The following FUT8 variants were observed in gnomAD, a reference collection of about 807,000 sequenced individuals.
The protein encoded by FUT8 is fucosyltransferase 8.
In FUT8, 29 loss-of-function variants were observed where a neutral mutation model predicts 71.3. The ratio of observed to expected loss-of-function variants is 0.41; its 90% CI spans 0.30 to 0.55. The LOEUF is 0.55. Among genes scored for constraint, FUT8 ranks in the 20% least tolerant of loss-of-function variants. The pLI is 0.34. For synonymous variants in FUT8, 254 were observed against 239.3 expected (o/e 1.06, Z -0.57); for missense variants, 544 against 702.1 (o/e 0.77, Z 2.55).
At chr14:65,482,817 A>G (rs2066351811) in intron 2 of FUT8, among the ~76,000 whole-genome samples, 2 of 152,150 alleles carry the variant, frequency 1.3e-5, no homozygotes. Flanking sequence ...AAGTTTTGCC[A>G]GTACAGAGTG....
chr14:65,377,957 G>T, the FUT8 span, among the ~76,000 whole-genome samples: 6 of 152,186 alleles, frequency 3.9e-5, no homozygotes, highest in Admixed American at 2.6e-4. Flanking sequence ...TCACTTGGTG[G>T]CTGTTTCCAA....
chr14:65,671,922 G>T (rs1892496343), intron 7 of FUT8, among the ~76,000 whole-genome samples: 1 of 152,082 alleles, frequency 6.6e-6, no homozygotes, highest in African/African-American at 2.4e-5. Flanking sequence ...ATTCTGAGTT[G>T]TACAAAAAAT....
chr14:65,649,046 G>A (rs946844503), intron 6 of FUT8, among the ~76,000 whole-genome samples: 1 of 152,082 alleles, frequency 6.6e-6, no homozygotes, highest in Non-Finnish European at 1.5e-5. Context: ...TGTATTTTCC[G>A]TAGTTCTTAC....
intron 7 of FUT8, among the ~76,000 whole-genome samples, chr14:65,677,147 T>C (rs548022516): frequency 6.1e-4 from 63 of 102,828 alleles, no homozygotes; most frequent in African/African-American, 1.0e-3. Flanking sequence ...TGTGTGTGTG[T>C]GTGTGCGCGC....
the FUT8 span, among the ~76,000 whole-genome samples, chr14:65,379,047 AT>A: frequency 1.3e-5 from 2 of 151,624 alleles, no homozygotes; most frequent in Non-Finnish European, 2.9e-5. Flanking sequence ...GGATTTCATC[AT>A]ATTGGTCAGG....
At chr14:65,542,779 A>G (rs867247297) in intron 2 of FUT8, among the ~76,000 whole-genome samples, 1 of 152,024 alleles carries the variant, frequency 6.6e-6, no homozygotes, top group Non-Finnish European at 1.5e-5. Flanking sequence ...GTATATGACT[A>G]GGAATTTTTT....
the FUT8 span, among the ~76,000 whole-genome samples, chr14:65,392,154 A>C: frequency 1.3e-5 from 2 of 150,774 alleles, no homozygotes; most frequent in Non-Finnish European, 3.0e-5. Flanking sequence ...CTGGTCTCAA[A>C]CTCCCGACCT....
At chr14:65,713,364 G>C (rs1894898679) in intron 7 of FUT8, among the ~76,000 whole-genome samples, 1 of 152,188 alleles carries the variant, frequency 6.6e-6, no homozygotes, top group African/African-American at 2.4e-5. Context: ...GTAAACATGG[G>C]AGTTCAGGTA....
intron 7 of FUT8, among the ~76,000 whole-genome samples, chr14:65,693,017 T>C (rs1344240335): frequency 6.8e-6 from 1 of 148,148 alleles, no homozygotes; most frequent in Non-Finnish European, 1.5e-5. Flanking sequence ...CTCCTCACTT[T>C]CCAGACTGGG....
Position 65,561,677 on chromosome 14 carries a change from C to T in FUT8, c.114C>T (p.His38=), listed in dbSNP as rs770421355. ...HLVRDNDHPD[H]SSRELSKILA... ...TACGAGATAATGACCATCCTGATCA[C>T]TCTAGCCGAGAACTGTCCAAGATTC... Residue 38 remains histidine, a synonymous_variant, in exon 3 of 11, where the codon CAC becomes CAT. Coordinates refer to ENST00000673929, the MANE Select transcript of FUT8 (RefSeq NM_001371533.1). 5 of 1,613,606 alleles carry T rather than the reference C, an allele frequency of 3.1e-6. No homozygotes were observed. In the South Asian group the frequency reaches 4.4e-5, roughly 14 times the overall value.
In FUT8 at chr14:65,467,833, G is replaced by A. The variant is rs929451431; in HGVS notation, c.-228+12115G>A. ...TATGCTATGAATTCACAGGGAATAG[G>A]TTCCAGCAGCTCAGGCTCCTTCCCA... On this transcript the variant is annotated intron_variant, in intron 2 of 10. Transcript: ENST00000673929. This position sits in a 1 kb window ranked among gnomAD's most constrained non-coding sequence, Gnocchi z 4.1. 7 of 777,618 alleles carry A rather than the reference G, an allele frequency of 9.0e-6. No individual in the cohort carries two copies. The highest frequency in any genetic ancestry group is 8.0e-5 in the South Asian group (6 of 74,820). The allele number at this position is 777,618 out of a possible 1,614,324, so 48.2% of individuals were successfully genotyped here.
chr14:65,617,428 C>T (rs1444294769), intron 5 of FUT8, among the ~76,000 whole-genome samples: 1 of 152,158 alleles, frequency 6.6e-6, no homozygotes, highest in Admixed American at 6.5e-5. Context: ...ATACTTAGAC[C>T]ACTAAACCAA....
intron 2 of FUT8, among the ~76,000 whole-genome samples, chr14:65,549,380 T>C (rs1885156533): frequency 6.6e-6 from 1 of 152,112 alleles, no homozygotes; most frequent in Non-Finnish European, 1.5e-5. Context: ...TTTTTTCTGA[T>C]TAGAAGCCCC....
chr14:65,530,138 C>T (rs1035869768), intron 2 of FUT8, among the ~76,000 whole-genome samples: 1 of 151,954 alleles, frequency 6.6e-6, no homozygotes, highest in African/African-American at 2.4e-5. Flanking sequence ...AGGAACTTTC[C>T]CCCAAAATTC....
At chr14:65,471,694 C>T (rs1390062730) in intron 2 of FUT8, among the ~76,000 whole-genome samples, 1 of 151,942 alleles carries the variant, frequency 6.6e-6, no homozygotes, top group East Asian at 1.9e-4. Context: ...GCAGTTTGCC[C>T]TCTGACCTCA....
intron 3 of FUT8, among the ~76,000 whole-genome samples, chr14:65,565,002 C>T (rs566609777): frequency 3.3e-5 from 5 of 152,078 alleles, no homozygotes; most frequent in African/African-American, 4.8e-5. Flanking sequence ...TTATTTGGCT[C>T]ATGATTCTGG....
chr14:65,372,163 C>T, the FUT8 span, among the ~76,000 whole-genome samples: 1 of 152,024 alleles, frequency 6.6e-6, no homozygotes, highest in Non-Finnish European at 1.5e-5. Context: ...ATGCCACCTC[C>T]TCCCCTACAC....
chr14:65,465,930 C>A (rs1012308813), intron 2 of FUT8, among the ~76,000 whole-genome samples: 11 of 152,004 alleles, frequency 7.2e-5, no homozygotes, highest in South Asian at 2.1e-4. Context: ...TTTATTATAC[C>A]TTATGTATTT....
intron 2 of FUT8, among the ~76,000 whole-genome samples, chr14:65,475,549 G>T (rs1030985870): frequency 6.6e-6 from 1 of 151,932 alleles, no homozygotes; most frequent in East Asian, 1.9e-4. Flanking sequence ...GACCAGCCTG[G>T]GCAACATAGT....
Sources: allele counts gnomAD v4.1 joint callset (sites outside exome capture counted in the v4.1 genomes callset), GRCh38; gene constraint gnomAD v4.1.1; non-coding constraint Gnocchi (gnomAD v3.1); transcripts MANE v1.5; gene names NCBI Gene and HGNC (gene_info 2026-07-23, HGNC 2026-07-21).